Variants in AKAP6 observed in about 807,000 individuals in gnomAD.
AKAP6 encodes A-kinase anchor protein 6.
Under a neutral mutation model 188.5 loss-of-function variants are expected in AKAP6, and 58 were observed. The ratio of observed to expected loss-of-function variants is 0.31; its 90% CI spans 0.25 to 0.38. AKAP6 has a LOEUF of 0.38. Ranked by LOEUF, AKAP6 falls within the 10% of genes least tolerant of loss-of-function variation. The pLI is 1.00. For synonymous variants in AKAP6, 989 were observed against 998.6 expected (o/e 0.99, Z 0.18); for missense variants, 2,710 against 2,740.0 (o/e 0.99, Z 0.24).
intron 10 of AKAP6, 58 bp from the exon 11 acceptor site, chr14:32,735,600 C>A (rs560046051): frequency 3.1e-6 from 4 of 1,310,458 alleles, no homozygotes; most frequent in Non-Finnish European, 4.2e-6. Context: ...TTTTGTTGTT[C>A]GTGGGGTTTT....
intron 10 of AKAP6, chr14:32,733,080 A>C (rs2031258142): frequency 5.9e-6 from 1 of 168,828 alleles, no homozygotes; most frequent in Admixed American, 6.2e-5. Context: ...ATTTGACCCA[A>C]ATCTGAATTG....
chr14:32,411,031 T>C (rs572361472), intron 1 of AKAP6, among the ~76,000 whole-genome samples: 3 of 152,314 alleles, frequency 2.0e-5, no homozygotes, highest in African/African-American at 7.2e-5. Context: ...AATTGTCAGC[T>C]ATGAGCCTCA....
rs374428896 is a variant in AKAP6, at chr14:32,501,751, T to C, written c.325-33803T>C. ...GGTCTTCACTCTCTGGAGTGATATT[T>C]CTTCCATCAGACTGCCCTTCTTTCT... On this transcript the variant is annotated intron_variant, in intron 2 of 13. Transcript: ENST00000280979. Among the ~76,000 whole-genome samples the C allele has an allele frequency of 3.9e-5, 6 of 152,296 alleles. No individual in the cohort carries two copies. In the East Asian group the frequency reaches 9.6e-4, roughly 24 times the overall value.
chr14:32,641,946 C>T (rs1887775931), intron 7 of AKAP6, among the ~76,000 whole-genome samples: 1 of 151,880 alleles, frequency 6.6e-6, no homozygotes, highest in African/African-American at 2.4e-5. Flanking sequence ...AATGGCAACT[C>T]GGCAAATACA....
At chr14:32,786,296 A>ATGGTTTTTTTTTTTTTTTTTTTT in intron 12 of AKAP6, among the ~76,000 whole-genome samples, 6 of 93,704 alleles carry the variant, frequency 6.4e-5, no homozygotes, top group African/African-American at 2.5e-4. Context: ...CTAAACCTTT[A>ATGGTTTTTTTTTTTTTTTTTTTT]TCTTTTTTTT....
chr14:32,589,762 T>C (rs1474410141), intron 5 of AKAP6, among the ~76,000 whole-genome samples: 12 of 152,354 alleles, frequency 7.9e-5, no homozygotes, highest in Non-Finnish European at 1.6e-4. Flanking sequence ...TTAATTAGAA[T>C]GCCGGGGAAA....
At chr14:32,523,920 G>C (rs1036317746) in intron 2 of AKAP6, among the ~76,000 whole-genome samples, 3 of 152,178 alleles carry the variant, frequency 2.0e-5, no homozygotes, top group Non-Finnish European at 2.9e-5. Flanking sequence ...TAACTGGCAG[G>C]CTGGATTGCT....
At chr14:32,818,048 T>A (rs2034431621) in intron 12 of AKAP6, among the ~76,000 whole-genome samples, 1 of 152,154 alleles carries the variant, frequency 6.6e-6, no homozygotes, top group Admixed American at 6.5e-5. Context: ...ATTGAAAATA[T>A]TGACAGAATT....
chr14:32,422,854 C>A (rs560986478), intron 1 of AKAP6, among the ~76,000 whole-genome samples: 45 of 152,308 alleles, frequency 3.0e-4, no homozygotes, highest in African/African-American at 1.0e-3. Context: ...CCCTCCATCT[C>A]TACTTCCAGA....
At chr14:32,756,640 A>G (rs2032344100) in intron 11 of AKAP6, among the ~76,000 whole-genome samples, 1 of 152,166 alleles carries the variant, frequency 6.6e-6, no homozygotes, top group Admixed American at 6.5e-5. Flanking sequence ...GGGTTTGTGC[A>G]TAATGGCCTG....
At chr14:32,733,660 C>T (rs1022736504) in intron 10 of AKAP6, 1 of 152,140 alleles carries the variant, frequency 6.6e-6, no homozygotes, top group Admixed American at 6.6e-5. Context: ...TCACTACACT[C>T]TGCAGTTGTG....
intron 7 of AKAP6, among the ~76,000 whole-genome samples, chr14:32,657,993 G>A (rs1594818959): frequency 6.6e-6 from 1 of 152,048 alleles, no homozygotes; most frequent in Admixed American, 6.6e-5. Flanking sequence ...TAAAGAACTA[G>A]TCTAGCACAT....
chr14:32,672,227 G>A (rs2139615436), intron 7 of AKAP6, among the ~76,000 whole-genome samples: 1 of 152,228 alleles, frequency 6.6e-6, no homozygotes, highest in Non-Finnish European at 1.5e-5. Context: ...AGTGATTTAG[G>A]TGCTAAATGC....
At chr14:32,662,046 T>G (rs555580825) in intron 7 of AKAP6, among the ~76,000 whole-genome samples, 4 of 152,184 alleles carry the variant, frequency 2.6e-5, no homozygotes, top group Admixed American at 2.6e-4. Flanking sequence ...CTGAAGTAGG[T>G]GAACCCAGGA....
At chr14:32,579,700 A>G (rs1884880691) in intron 5 of AKAP6, among the ~76,000 whole-genome samples, 1 of 152,020 alleles carries the variant, frequency 6.6e-6, no homozygotes, top group Non-Finnish European at 1.5e-5. Context: ...ATGAGTCTAT[A>G]TTGTCCTCCT....
chr14:32,583,454 T>A (rs545683026), intron 5 of AKAP6, among the ~76,000 whole-genome samples: 25 of 152,322 alleles, frequency 1.6e-4, no homozygotes, highest in African/African-American at 5.5e-4. Context: ...GGGACCCATT[T>A]GAGGAGGCAG....
intron 7 of AKAP6, among the ~76,000 whole-genome samples, chr14:32,668,566 G>A (rs1052365446): frequency 6.6e-6 from 1 of 152,052 alleles, no homozygotes; most frequent in African/African-American, 2.4e-5. Flanking sequence ...TATAGTGAAT[G>A]TTTCTAATAA....
intron 1 of AKAP6, among the ~76,000 whole-genome samples, chr14:32,350,870 A>G (rs959364203): frequency 6.6e-6 from 1 of 152,188 alleles, no homozygotes; most frequent in East Asian, 1.9e-4. Context: ...AACTTCTCTG[A>G]GTAGGAACTC....
At chr14:32,818,265 A>G (rs1001172930) in intron 12 of AKAP6, among the ~76,000 whole-genome samples, 3 of 152,176 alleles carry the variant, frequency 2.0e-5, no homozygotes, top group Admixed American at 6.5e-5. Flanking sequence ...ATTACATCCA[A>G]AAGTTTAATC....
Sources: allele counts gnomAD v4.1 joint callset (sites outside exome capture counted in the v4.1 genomes callset), GRCh38; gene constraint gnomAD v4.1.1; transcripts MANE v1.5; gene names NCBI Gene and HGNC (gene_info 2026-07-23, HGNC 2026-07-21).